The following MANEAL variants were observed in gnomAD, a reference collection of about 807,000 sequenced individuals.
MANEAL encodes the protein mannosidase endo-alpha like.
In MANEAL, 28 loss-of-function variants were observed where a neutral mutation model predicts 35.9. The ratio of observed to expected loss-of-function variants is 0.78; its 90% confidence interval spans 0.58 to 1.07. MANEAL has a LOEUF of 1.07. MANEAL is among the 50% of genes least tolerant of loss of function. The pLI, the probability that MANEAL is intolerant of heterozygous loss-of-function variation, is 0.00. For missense variants in MANEAL, 576 were observed against 629.6 expected, an observed-to-expected ratio of 0.91 and a Z score of 0.91; for synonymous variants, 286 against 272.2, an observed-to-expected ratio of 1.05 and a Z score of -0.50.
rs748584569 is a variant in MANEAL at position 37,799,765 on chromosome 1, C to T, written c.936C>T (p.His312=). 37 of 1,614,120 alleles carry T rather than the reference C, an allele frequency of 2.3e-5. No homozygotes were observed. Among genetic ancestry groups the T allele is most frequent in the South Asian group, 1.6e-4 (15 of 91,090 alleles). Residue 312 remains histidine (H), a synonymous_variant, in exon 4 of 4, where the codon CAC becomes CAT. Coordinates refer to ENST00000373045, the MANE Select transcript of MANEAL (RefSeq NM_001113482.2). The surrounding 1 kb of genome is among the most constrained non-coding windows in gnomAD (Gnocchi z 4.1). ...TGCTGGTGGAGGAGGGCCACACCCA[C>T]GATATCCTGGCCGCCGGATTTGACG... The part of the protein sequence containing the change: ...IALLVEEGHT[H]DILAAGFDGM...
In MANEAL at chr1:37,794,326, G is replaced by A. The variant is rs751128807; in HGVS notation, c.144G>A (p.Glu48=). 4 of 1,124,174 alleles carry A rather than the reference G, an allele frequency of 3.6e-6. No homozygotes were observed. The East Asian group carries it at 1.5e-4, about 43-fold the overall frequency. The allele number at this position is 1,124,174 out of a possible 1,614,324, so 69.6% of individuals were successfully genotyped here. A position where few individuals can be genotyped will look rare whatever the true frequency, so the allele number is the denominator to read the frequency against. ...CGGGCCTGGAGCTGGCGCCCTTTGA[G>A]CGACGCCCAGAGGGGGCCCCCGCGC... ...LGPGLELAPF[E]RRPEGAPAPA... The change falls in exon 1 of 4, where the codon GAG becomes GAA. Residue 48 remains glutamate (E), a synonymous_variant. Transcript: ENST00000373045. The surrounding 1 kb of genome is among the most constrained non-coding windows in gnomAD (Gnocchi z 5.7).
chr1:37,795,696 G>A, intron 1 of MANEAL, 41 bp from the exon 2 acceptor site: 2 of 1,613,322 alleles, frequency 1.2e-6, no homozygotes, highest in Non-Finnish European at 1.7e-6. Flanking sequence ...GTTGAGGGGG[G>A]TACTGTGTGT....
chr1:37,796,912 A>G (rs1646650355), intron 3 of MANEAL, 92 bp downstream of exon 3: 2 of 1,191,692 alleles, frequency 1.7e-6, no homozygotes. Context: ...GACACAGGGC[A>G]TAATGCCTGT....
chr1:37,798,764 C>T (rs550518114), intron 3 of MANEAL, among the ~76,000 whole-genome samples: 2 of 146,622 alleles, frequency 1.4e-5, no homozygotes, highest in South Asian at 4.4e-4. Flanking sequence ...AAAGCCCAGG[C>T]CCAGTGGCTC....
intron 1 of MANEAL, chr1:37,795,434 C>T: frequency 8.9e-7 from 1 of 1,126,410 alleles, no homozygotes; most frequent in South Asian, 2.0e-5. Flanking sequence ...CTGTGGCTTC[C>T]AGGTGGGTGT....
intron 2 of MANEAL, among the ~76,000 whole-genome samples, chr1:37,796,448 G>A (rs535482749): frequency 6.6e-6 from 1 of 152,356 alleles, no homozygotes; most frequent in South Asian, 2.1e-4. Flanking sequence ...TTATTCCACT[G>A]TTTCAGGCAG....
chr1:37,794,500 C>A lies in MANEAL; in HGVS notation c.318C>A (p.His106Gln), dbSNP rs373708930. The change falls in exon 1 of 4, where the codon CAC becomes CAA. Residue 106 changes from histidine to glutamine, a missense_variant. Coordinates refer to ENST00000373045, the MANE Select transcript of MANEAL (RefSeq NM_001113482.2). The surrounding 1 kb of genome is among the most constrained non-coding windows in gnomAD (Gnocchi z 5.7). ...GCCTGCGCGTCTACTCGGACCTGCACGCCTTCTACTACTCGTGGTACGGGA... is the reference window on the plus strand; with the variant it reads ...GCCTGCGCGTCTACTCGGACCTGCAAGCCTTCTACTACTCGTGGTACGGGA... ...VQSLRVYSDL[H>Q]AFYYSWYGSP... 7 of 1,608,024 alleles carry A rather than the reference C, an allele frequency of 4.4e-6. No individual in the cohort carries two copies. Among genetic ancestry groups the A allele is most frequent in the Non-Finnish European group, 5.9e-6 (7 of 1,178,294 alleles).
Position 37,795,624 on chromosome 1 carries a change from T to C in MANEAL, c.551-113T>C, listed in dbSNP as rs373070348. The stretch of plus-strand genomic sequence containing the variant: ...GCAGGAAGTGAACCTGGCAGGAGGC[T>C]TGCTTCAGGTTTTTAGGAACCATTT... On this transcript the variant is annotated intron_variant, in intron 1 of 3. Coordinates refer to ENST00000373045, the MANE Select transcript of MANEAL (RefSeq NM_001113482.2). 4.5e-6 allele frequency: 7 copies of C among 1,551,872 alleles called. No individual in the cohort carries two copies. In the East Asian group the frequency reaches 1.4e-4, roughly 31 times the overall value.
chr1:37,799,102 C>T lies in MANEAL; in HGVS notation c.738-465C>T, dbSNP rs956148767. ...AAAAAGGGTCAGCTCTGCAAAGATC[C>T]GGAGGCAGGGAGAAAATTCCAAGCA... On this transcript the variant is annotated intron_variant, in intron 3 of 3. Coordinates refer to ENST00000373045, the MANE Select transcript of MANEAL (RefSeq NM_001113482.2). The surrounding 1 kb of genome is among the most constrained non-coding windows in gnomAD (Gnocchi z 4.1). Among the ~76,000 whole-genome samples, 4 of 151,800 alleles carry T rather than the reference C, an allele frequency of 2.6e-5. No homozygotes were observed. The highest frequency in any genetic ancestry group is 4.4e-5 in the Non-Finnish European group (3 of 67,958).
At position 37,800,180 on chromosome 1, in the gene MANEAL, GAGA is replaced by G. The variant is rs1646686096; in HGVS notation, c.1354_1356del (p.Lys452del). ...CCGCTGGGCGGAGCACTTCATCAAA[GAGA>G]AGGAGCAGTGGCTCATGTGAGGGGC... On this transcript the variant is annotated inframe_deletion, in exon 4 of 4. Transcript: ENST00000373045. 1.2e-6 allele frequency: 2 copies of G among 1,613,518 alleles called. No individual in the cohort carries two copies. The highest frequency in any genetic ancestry group is 1.7e-6 in the Non-Finnish European group (2 of 1,180,004).
rs1454470144 is a variant in MANEAL at position 37,799,215 on chromosome 1, G to A, written c.738-352G>A. Among the ~76,000 whole-genome samples the A allele has an allele frequency of 6.6e-6, 1 of 152,132 alleles. No homozygotes were observed. Among genetic ancestry groups the A allele is most frequent in the African/African-American group, 2.4e-5 (1 of 41,396 alleles). Reference sequence around the variant, plus strand: ...TAGAAAGGCCAGATGGGGAGTAATAGCTGGGAAAAGAGCAGGAATGGAGTA... The same window carrying A: ...TAGAAAGGCCAGATGGGGAGTAATAACTGGGAAAAGAGCAGGAATGGAGTA... On this transcript the variant is annotated intron_variant, in intron 3 of 3. Transcript: ENST00000373045. The surrounding 1 kb of genome is among the most constrained non-coding windows in gnomAD (Gnocchi z 4.1).
At position 37,799,585 on chromosome 1, in the gene MANEAL, A is replaced by G. The variant is rs1259392774; in HGVS notation, c.756A>G (p.Ala252=). ...YIIDTYGSHG[A]FYRYKNSMGK... ...TTCTCAGGTATGGCTCCCATGGTGCATTTTACCGCTATAAGAACAGCATGG... is the reference window on the plus strand; with the variant it reads ...TTCTCAGGTATGGCTCCCATGGTGCGTTTTACCGCTATAAGAACAGCATGG... The change falls in exon 4 of 4, where the codon GCA becomes GCG. Residue 252 remains alanine (A), a synonymous_variant. Coordinates refer to ENST00000373045, the MANE Select transcript of MANEAL (RefSeq NM_001113482.2). This position sits in a 1 kb window ranked among gnomAD's most constrained non-coding sequence, Gnocchi z 4.1. 1 of 1,613,374 alleles carries G rather than the reference A, an allele frequency of 6.2e-7. No individual in the cohort carries two copies. Among genetic ancestry groups the G allele is most frequent in the African/African-American group, 1.3e-5 (1 of 74,882 alleles).
In MANEAL at chr1:37,800,009, G is replaced by A. The variant is rs768543176; in HGVS notation, c.1180G>A (p.Val394Met). ...YETALQAALT[V>M]RPEIVSITSF... is the part of the protein sequence containing the mutation. The stretch of plus-strand genomic sequence containing the variant: ...GACGGCCCTGCAGGCGGCCCTGACA[G>A]TGAGGCCCGAGATCGTTTCCATTAC... Residue 394 changes from valine (V) to methionine (M), a missense_variant, in exon 4 of 4, where the codon GTG becomes ATG. Around this residue, in one of 3 missense-constraint regions of MANEAL, gnomAD observed 449 missense variants for 516.1 expected, o/e 0.87. Coordinates refer to ENST00000373045, the MANE Select transcript of MANEAL (RefSeq NM_001113482.2). 6.8e-6 allele frequency: 11 copies of A among 1,614,118 alleles called. No individual in the cohort carries two copies. Among genetic ancestry groups the A allele is most frequent in the South Asian group, 5.5e-5 (5 of 91,090 alleles).
rs1202560805 is a variant in MANEAL at position 37,794,652 on chromosome 1, A to T, written c.470A>T (p.Tyr157Phe). The change falls in exon 1 of 4, where the codon TAC becomes TTC. Residue 157 changes from tyrosine (Y) to phenylalanine (F), a missense_variant. By Grantham distance (22) the Tyr-to-Phe change is conservative (BLOSUM62 3). Transcript: ENST00000373045. The surrounding 1 kb of genome is among the most constrained non-coding windows in gnomAD (Gnocchi z 5.7). ...SPPDDLGSSFYPELGPYSSRD... is the reference protein window; with the variant it reads ...SPPDDLGSSFFPELGPYSSRD... ...CCAGACGACTTGGGCTCCAGCTTCT[A>T]CCCGGAGCTGGGGCCCTACAGCTCC... 4 of 1,609,558 alleles carry T rather than the reference A, an allele frequency of 2.5e-6. No individual in the cohort carries two copies. In the East Asian group the frequency reaches 6.7e-5, roughly 27 times the overall value.
At position 37,800,982 on chromosome 1, in the gene MANEAL, A is replaced by G. The variant is rs1283678384; in HGVS notation, c.*779A>G. 6.6e-6 allele frequency: 1 copy of G among 152,614 alleles called. No homozygotes were observed. Among genetic ancestry groups the G allele is most frequent in the African/African-American group, 2.4e-5 (1 of 41,442 alleles). 9.5% of individuals were successfully genotyped at this position (152,614 alleles called of 1,614,324 possible). On this transcript the variant is annotated 3_prime_UTR_variant, in exon 4 of 4. Coordinates refer to ENST00000373045, the MANE Select transcript of MANEAL (RefSeq NM_001113482.2). ...AAAATACCTCTGTGCTCCAGAGCCTAATTTTTCCCAGATGCATATTTAGCT... is the reference window on the plus strand; with the variant it reads ...AAAATACCTCTGTGCTCCAGAGCCTGATTTTTCCCAGATGCATATTTAGCT...
chr1:37,796,594 A>T (rs981784205), intron 2 of MANEAL, 150 bp from the exon 3 acceptor site: 3 of 688,016 alleles, frequency 4.4e-6, no homozygotes, highest in Non-Finnish European at 7.3e-6. Flanking sequence ...CTTCAAGGGC[A>T]GCAGCTGCCT....
At chr1:37,795,870 G>T (rs1646641669) in intron 2 of MANEAL, 24 bp downstream of exon 2, 2 of 1,596,282 alleles carry the variant, frequency 1.3e-6, no homozygotes, top group African/African-American at 2.7e-5. Flanking sequence ...AAGAGGCCAC[G>T]TGCTCTCTGC....
rs1193140851 is a variant in MANEAL, at chr1:37,793,959, G to C, written c.-224G>C. The C allele has an allele frequency of 2.9e-5, 5 of 169,746 alleles. No individual in the cohort carries two copies. Among genetic ancestry groups the C allele is most frequent in the South Asian group, 4.0e-4 (2 of 5,034 alleles). 10.5% of individuals were successfully genotyped at this position (169,746 alleles called of 1,614,324 possible). On this transcript the variant is annotated 5_prime_UTR_variant, in exon 1 of 4. Transcript: ENST00000373045. ...CGAAACTCGCCGTTCGCTGGGCCTT[G>C]CGTTGCACTCGGCGTGCAGTTCCCC...
Position 37,800,537 on chromosome 1 carries a change from G to T in MANEAL, c.*334G>T. ...GCTGGTGCTGTGTAGTGGCCACCCA[G>T]TCACCACCCTTGGAAGGGTGTCAGG... On this transcript the variant is annotated 3_prime_UTR_variant, in exon 4 of 4. Transcript: ENST00000373045. 1 of 332,234 alleles carries T rather than the reference G, an allele frequency of 3.0e-6. No homozygotes were observed. The highest frequency in any genetic ancestry group is 5.7e-6 in the Non-Finnish European group (1 of 176,574). The allele number at this position is 332,234 out of a possible 1,614,324, so 20.6% of individuals were successfully genotyped here.
Sources: allele counts gnomAD v4.1 joint callset (sites outside exome capture counted in the v4.1 genomes callset), GRCh38; gene constraint gnomAD v4.1.1; regional missense constraint gnomAD v4.1.1; non-coding constraint Gnocchi (gnomAD v3.1); transcripts MANE v1.5; gene names NCBI Gene and HGNC (gene_info 2026-07-23, HGNC 2026-07-21).